KMT2C: variants seen among roughly 807,000 people sequenced by gnomAD.
KMT2C encodes lysine methyltransferase 2C.
In KMT2C, 88 loss-of-function variants were observed where a neutral mutation model predicts 507.9. The observed-to-expected ratio is 0.17, with a 90% confidence interval of 0.15 to 0.21. KMT2C has a LOEUF of 0.21. Among genes scored for constraint, KMT2C ranks in the 10% least tolerant of loss-of-function variants. The probability of loss-of-function intolerance (pLI) is 1.00; values close to 1 mark genes in which losing one functional copy is unlikely to be tolerated. For synonymous variants in KMT2C, 2,049 were observed against 2,080.8 expected (o/e 0.98, Z 0.42); for missense variants, 4,954 against 5,957.8 (o/e 0.83, Z 5.55).
intron 2 of KMT2C, among the ~76,000 whole-genome samples, chr7:152,335,306 T>C (rs1183008302): frequency 6.6e-6 from 1 of 152,218 alleles, no homozygotes; most frequent in Non-Finnish European, 1.5e-5. Context: ...AGCATTTCAT[T>C]TCTACTCAGA....
intron 6 of KMT2C, among the ~76,000 whole-genome samples, chr7:152,294,277 A>T (rs2096466124): frequency 6.6e-6 from 1 of 152,184 alleles, no homozygotes; most frequent in Non-Finnish European, 1.5e-5. Context: ...TGATGAAATA[A>T]TCCATTGTTA....
chr7:152,228,732 A>C (rs1398850394), intron 18 of KMT2C, among the ~76,000 whole-genome samples: 1 of 152,200 alleles, frequency 6.6e-6, no homozygotes, highest in African/African-American at 2.4e-5. Flanking sequence ...TATTCTAAAA[A>C]ACAAAATCTA....
rs1022480925 is a variant in KMT2C, at chr7:152,151,717, T to C, written c.12527-136A>G. The C allele has an allele frequency of 3.3e-5, 20 of 608,102 alleles. No individual in the cohort carries two copies. The East Asian group carries it at 5.6e-4, about 17-fold the overall frequency. The allele number at this position is 608,102 out of a possible 1,614,324, so 37.7% of individuals were successfully genotyped here. A position where few individuals can be genotyped will look rare whatever the true frequency, so the allele number is the denominator to read the frequency against. On this transcript the variant is annotated intron_variant, in intron 49 of 58. Transcript: ENST00000262189. ...TTCTTTAATTAATAAAAAAAATTTA[T>C]CTTCTAAGCAATGGTTACAGAGTCG...
intron 6 of KMT2C, among the ~76,000 whole-genome samples, chr7:152,307,557 C>T (rs913414560): frequency 8.5e-5 from 13 of 152,144 alleles, no homozygotes; most frequent in African/African-American, 3.1e-4. Context: ...ACTCCAAGTA[C>T]TCAATCTGCA....
chr7:152,270,924 TTC>T (rs1241729297), intron 7 of KMT2C, among the ~76,000 whole-genome samples: 14 of 152,162 alleles, frequency 9.2e-5, no homozygotes, highest in Non-Finnish European at 1.6e-4. Context: ...TTTGTTAAAT[TTC>T]TCAACTTTTA....
chr7:152,158,373 A>G (rs928316067), intron 44 of KMT2C, among the ~76,000 whole-genome samples: 4 of 152,242 alleles, frequency 2.6e-5, no homozygotes, highest in African/African-American at 9.6e-5. Flanking sequence ...AATCTTGACT[A>G]TCACCTATCA....
At chr7:152,201,617 G>GGAAAAA (rs1491277955) in intron 26 of KMT2C, among the ~76,000 whole-genome samples, 3 of 22,874 alleles carry the variant, frequency 1.3e-4, no homozygotes, top group Admixed American at 5.3e-4. Flanking sequence ...CAACAAAGAT[G>GGAAAAA]AAAAAAAAAA....
intron 41 of KMT2C, 106 bp from the exon 42 acceptor site, chr7:152,167,484 T>C (rs1489013080): frequency 1.7e-5 from 12 of 689,916 alleles, no homozygotes; most frequent in Non-Finnish European, 2.4e-5. Flanking sequence ...GACCACATAA[T>C]AGGAAATTTG....
At chr7:152,366,947 G>C (rs558824002) in intron 1 of KMT2C, 1 of 503,222 alleles carries the variant, frequency 2.0e-6, no homozygotes, top group African/African-American at 2.0e-5. Flanking sequence ...ACGATCGCAA[G>C]GTCGCGCAGA....
At chr7:152,228,502 C>T (rs1390081222) in intron 18 of KMT2C, among the ~76,000 whole-genome samples, 1 of 152,156 alleles carries the variant, frequency 6.6e-6, no homozygotes, top group East Asian at 1.9e-4. Flanking sequence ...ACAGTGTCAT[C>T]GTGCAAAAGG....
chr7:152,382,722 T>C (rs532521523), intron 1 of KMT2C, among the ~76,000 whole-genome samples: 17 of 151,810 alleles, frequency 1.1e-4, no homozygotes, highest in Non-Finnish European at 8.9e-5. Context: ...AGAGTATAAA[T>C]TGGTATAATT....
rs535642513 is a variant in KMT2C, at chr7:152,187,944, G to A, written c.4661-97C>T. 20 of 1,139,498 alleles carry A rather than the reference G, an allele frequency of 1.8e-5. No individual in the cohort carries two copies. In the African/African-American group the frequency reaches 2.2e-4, roughly 12 times the overall value. The allele number at this position is 1,139,498 out of a possible 1,614,324, so 70.6% of individuals were successfully genotyped here. On this transcript the variant is annotated intron_variant, in intron 31 of 58. Coordinates refer to ENST00000262189, the MANE Select transcript of KMT2C (RefSeq NM_170606.3). ...TGAACAACATGGTTTTTAACTGCATGGGTCCACATAAACACACATTTTTTT... is the reference window on the plus strand; with the variant it reads ...TGAACAACATGGTTTTTAACTGCATAGGTCCACATAAACACACATTTTTTT...
chr7:152,160,625 ATT>A (rs2092389909), intron 43 of KMT2C, among the ~76,000 whole-genome samples: 3 of 147,380 alleles, frequency 2.0e-5, no homozygotes, highest in African/African-American at 7.4e-5. Flanking sequence ...ATATATATAT[ATT>A]TATATATTTA....
chr7:152,287,780 T>TG (rs1315056153), intron 6 of KMT2C, among the ~76,000 whole-genome samples: 4 of 152,000 alleles, frequency 2.6e-5, no homozygotes, highest in Admixed American at 2.0e-4. Flanking sequence ...TCCCAGCACT[T>TG]TGGGAGGCAG....
At position 152,154,341 on chromosome 7, in the gene KMT2C, G is replaced by A. The variant is rs2129098733; in HGVS notation, c.12065C>T (p.Ser4022Leu). Residue 4022 changes from serine (S) to leucine (L), a missense_variant, in exon 47 of 59, where the codon TCA becomes TTA. Physicochemically the swap from Ser to Leu is moderately radical, Grantham distance 145 (BLOSUM62 -2). Transcript: ENST00000262189. ...TTCTGGAGGCTCCTCCTTGACCAAT[G>A]ACAGATCTGGATACCTGCTCACTTC... ...GVEVSRYPDL[S>L]LVKEEPPEPV... 1 of 1,614,182 alleles carries A rather than the reference G, an allele frequency of 6.2e-7. No individual in the cohort carries two copies. Among genetic ancestry groups the A allele is most frequent in the Non-Finnish European group, 8.5e-7 (1 of 1,180,022 alleles).
At chr7:152,354,358 A>G (rs2097136520) in intron 2 of KMT2C, among the ~76,000 whole-genome samples, 1 of 152,186 alleles carries the variant, frequency 6.6e-6, no homozygotes, top group South Asian at 2.1e-4. Context: ...AGAACACAAT[A>G]CTGCTTCACT....
At chr7:152,278,655 AAC>A (rs2096136841) in intron 6 of KMT2C, among the ~76,000 whole-genome samples, 1 of 152,162 alleles carries the variant, frequency 6.6e-6, no homozygotes, top group Non-Finnish European at 1.5e-5. Flanking sequence ...GAGGGGAAAA[AAC>A]ACAAACGCTA....
At chr7:152,329,691 G>A (rs561479384) in intron 3 of KMT2C, among the ~76,000 whole-genome samples, 30 of 150,852 alleles carry the variant, frequency 2.0e-4, no homozygotes, top group Non-Finnish European at 3.4e-4. Context: ...AGGGAGGGAA[G>A]GAGGGCGGGA....
chr7:152,354,497 T>G (rs1196302694), intron 2 of KMT2C, among the ~76,000 whole-genome samples: 1 of 152,092 alleles, frequency 6.6e-6, no homozygotes, highest in African/African-American at 2.4e-5. Context: ...TAAGCCAATA[T>G]GAAATTAAAT....
Sources: gnomAD v4.1 joint callset for allele counts (sites outside exome capture counted in the v4.1 genomes callset) on GRCh38, gnomAD v4.1.1 for gene constraint, MANE v1.5 for transcripts, NCBI Gene and HGNC (gene_info 2026-07-23, HGNC 2026-07-21) for gene names.